PLCXD3: variants seen among roughly 807,000 people sequenced by gnomAD.
The protein encoded by PLCXD3 is PI-PLC X domain-containing protein 3.
A neutral mutation model predicts 25.5 loss-of-function variants in PLCXD3; 19 were observed. The ratio of observed to expected loss-of-function variants is 0.75; its 90% CI spans 0.52 to 1.09. The LOEUF (loss-of-function observed/expected upper bound fraction) is 1.09. Ranked by LOEUF, PLCXD3 falls within the 50% of genes least tolerant of loss-of-function variation. The pLI, the probability that PLCXD3 is intolerant of heterozygous loss-of-function variation, is 0.00. For synonymous variants in PLCXD3, 174 were observed against 137.6 expected (o/e 1.26, Z -1.85); for missense variants, 411 against 388.1 (o/e 1.06, Z -0.50).
chr5:41,503,892 G>A (rs1749003940), intron 1 of PLCXD3, among the ~76,000 whole-genome samples: 1 of 152,100 alleles, frequency 6.6e-6, no homozygotes, highest in Admixed American at 6.6e-5. Context: ...TTGGGCAAGA[G>A]GCATCCTCAC....
At chr5:41,446,955 G>A (rs1375645765) in intron 1 of PLCXD3, among the ~76,000 whole-genome samples, 6 of 152,146 alleles carry the variant, frequency 3.9e-5, no homozygotes, top group Admixed American at 3.9e-4. Flanking sequence ...GCTACCTATT[G>A]GGATGCTGTA....
At chr5:41,378,003 G>A (rs1745347542) in intron 2 of PLCXD3, among the ~76,000 whole-genome samples, 2 of 152,020 alleles carry the variant, frequency 1.3e-5, no homozygotes, top group African/African-American at 4.8e-5. Flanking sequence ...ACCTTTTGGT[G>A]CCATCACAGG....
intron 2 of PLCXD3, among the ~76,000 whole-genome samples, chr5:41,374,119 G>T (rs1482896325): frequency 6.6e-6 from 1 of 152,048 alleles, no homozygotes; most frequent in East Asian, 1.9e-4. Context: ...ATGTTCTTTA[G>T]GTTAACTAAA....
chr5:41,338,077 C>G (rs1236919406), intron 2 of PLCXD3, among the ~76,000 whole-genome samples: 2 of 152,102 alleles, frequency 1.3e-5, no homozygotes, highest in Non-Finnish European at 2.9e-5. Flanking sequence ...TCTCCCTCTT[C>G]CTTGTATATT....
At chr5:41,364,421 C>T (rs1208533940) in intron 2 of PLCXD3, among the ~76,000 whole-genome samples, 5 of 152,110 alleles carry the variant, frequency 3.3e-5, no homozygotes, top group Non-Finnish European at 5.9e-5. Context: ...TTTTTCCATG[C>T]TATTTTGCCA....
At chr5:41,349,977 G>A (rs774791454) in intron 2 of PLCXD3, among the ~76,000 whole-genome samples, 2 of 151,316 alleles carry the variant, frequency 1.3e-5, no homozygotes, top group Non-Finnish European at 2.9e-5. Context: ...GAAAATTGTA[G>A]CCAGCTATTC....
intron 2 of PLCXD3, among the ~76,000 whole-genome samples, chr5:41,339,958 T>C (rs1436057147): frequency 6.6e-6 from 1 of 152,182 alleles, no homozygotes; most frequent in Non-Finnish European, 1.5e-5. Flanking sequence ...ACACTCGCCA[T>C]AGAGAGGGCC....
chr5:41,386,441 T>C (rs186622174), intron 1 of PLCXD3, among the ~76,000 whole-genome samples: 3 of 152,220 alleles, frequency 2.0e-5, no homozygotes, highest in Admixed American at 6.5e-5. Flanking sequence ...TCTCATTCTG[T>C]CATTTGGTAT....
chr5:41,370,457 G>T (rs979523000), intron 2 of PLCXD3, among the ~76,000 whole-genome samples: 7 of 152,086 alleles, frequency 4.6e-5, no homozygotes, highest in Admixed American at 6.6e-5. Flanking sequence ...AACCAAATGT[G>T]GTAAGTTAAA....
At chr5:41,420,765 T>G (rs1162194505) in intron 1 of PLCXD3, among the ~76,000 whole-genome samples, 2 of 152,238 alleles carry the variant, frequency 1.3e-5, no homozygotes, top group East Asian at 3.8e-4. Context: ...AATGGCGTTG[T>G]GTCAGCATTT....
At chr5:41,360,013 G>A (rs73075994) in intron 2 of PLCXD3, among the ~76,000 whole-genome samples, 1,718 of 152,058 alleles carry the variant, frequency 0.011, 25 homozygotes, top group African/African-American at 0.04. Flanking sequence ...CAAACTTCTC[G>A]GAGCCTTTGT....
intron 1 of PLCXD3, among the ~76,000 whole-genome samples, chr5:41,427,862 C>A (rs1195070413): frequency 6.6e-6 from 1 of 152,124 alleles, no homozygotes; most frequent in African/African-American, 2.4e-5. Flanking sequence ...TAAATTTGAG[C>A]CCCAACACCA....
rs186697613 is a variant in PLCXD3, at chr5:41,485,663, C to T, written c.103+24761G>A. ...AACAAAGCACCATGCTGCAGATAGG[C>T]TCTTCCTGGAATAGAATCAGCAGGA... is the stretch of plus-strand genomic sequence containing the variant. On this transcript the variant is annotated intron_variant, in intron 1 of 2. Coordinates refer to ENST00000377801, the MANE Select transcript of PLCXD3 (RefSeq NM_001005473.3). 1.1e-3 allele frequency among the ~76,000 whole-genome samples: 164 copies of T among 152,296 alleles called. 1 individual carries two copies. The Middle Eastern group carries it at 0.034, about 32-fold the overall frequency.
At chr5:41,484,269 A>ACC (rs3046178) in intron 1 of PLCXD3, among the ~76,000 whole-genome samples, 52,146 of 146,028 alleles carry the variant, frequency 0.36, 11,974 homozygotes, top group African/African-American at 0.49. Context: ...ACACACACAC[A>ACC]CACTAACTGT....
intron 1 of PLCXD3, among the ~76,000 whole-genome samples, chr5:41,432,105 G>C (rs1415178044): frequency 2.0e-5 from 3 of 152,140 alleles, no homozygotes; most frequent in Non-Finnish European, 4.4e-5. Context: ...TCCACGACAA[G>C]GGACCCAGCT....
At chr5:41,500,551 A>G (rs1011186704) in intron 1 of PLCXD3, among the ~76,000 whole-genome samples, 16 of 146,046 alleles carry the variant, frequency 1.1e-4, no homozygotes, top group Admixed American at 7.0e-5. Flanking sequence ...TCCCCTAAAC[A>G]TATATATTAT....
chr5:41,442,512 A>G (rs1035211343), intron 1 of PLCXD3, among the ~76,000 whole-genome samples: 18 of 152,238 alleles, frequency 1.2e-4, no homozygotes, highest in African/African-American at 4.1e-4. Flanking sequence ...AAAATAAAAG[A>G]CAACCTCAGA....
intron 2 of PLCXD3, among the ~76,000 whole-genome samples, chr5:41,334,805 C>T (rs1743933514): frequency 6.6e-6 from 1 of 152,108 alleles, no homozygotes; most frequent in Non-Finnish European, 1.5e-5. Context: ...TCCTCAGGCT[C>T]ATCGTTTGCT....
At chr5:41,421,810 T>C (rs1331022388) in intron 1 of PLCXD3, among the ~76,000 whole-genome samples, 2 of 152,216 alleles carry the variant, frequency 1.3e-5, no homozygotes, top group Non-Finnish European at 2.9e-5. Flanking sequence ...TTTGAAAGAA[T>C]ATTCAAACAT....
Sources: allele counts gnomAD v4.1 joint callset (sites outside exome capture counted in the v4.1 genomes callset), GRCh38; gene constraint gnomAD v4.1.1; transcripts MANE v1.5; gene names NCBI Gene and HGNC (gene_info 2026-07-23, HGNC 2026-07-21).